SLC2A5: variants seen among roughly 807,000 people sequenced by gnomAD.
The protein encoded by SLC2A5 is solute carrier family 2 member 5, also known as solute carrier family 2, facilitated glucose transporter member 5.
In SLC2A5, 56 loss-of-function variants were observed where a neutral mutation model predicts 50.3. The observed-to-expected ratio is 1.11, with a 90% confidence interval of 0.90 to 1.39. The LOEUF (loss-of-function observed/expected upper bound fraction) is 1.39, where lower values mean the gene tolerates loss of function less well. Ranked by LOEUF, SLC2A5 falls within the 40% of genes most tolerant of loss-of-function variation. The pLI is 0.00. For missense variants in SLC2A5, 566 were observed against 650.1 expected (o/e 0.87, Z 1.41); for synonymous variants, 269 against 281.9 (o/e 0.95, Z 0.46).
Position 9,069,417 on chromosome 1 carries a change from G to A in SLC2A5, c.33+87C>T, listed in dbSNP as rs964646077. 53 of 1,380,156 alleles carry A rather than the reference G, an allele frequency of 3.8e-5. No homozygotes were observed. In the Admixed American group the frequency reaches 8.8e-4, roughly 23 times the overall value. The allele number at this position is 1,380,156 out of a possible 1,614,324, so 85.5% of individuals were successfully genotyped here. A position where few individuals can be genotyped will look rare whatever the true frequency, so the allele number is the denominator to read the frequency against. ...CACAGAGTTCCCTCTGCAACACCAG[G>A]AGCCCCCCAGCGACTCTCCAGGAAG... On this transcript the variant is annotated intron_variant, in intron 1 of 11. Coordinates refer to ENST00000377424, the MANE Select transcript of SLC2A5 (RefSeq NM_003039.3).
chr1:9,043,985 G>A (rs549614241), intron 4 of SLC2A5, among the ~76,000 whole-genome samples: 218 of 150,116 alleles, frequency 1.5e-3, no homozygotes, highest in African/African-American at 5.1e-3. Flanking sequence ...GCCTCCCAAA[G>A]TGCTGGGATT....
chr1:9,060,483 C>G (rs2124421568), intron 1 of SLC2A5, among the ~76,000 whole-genome samples: 1 of 137,122 alleles, frequency 7.3e-6, no homozygotes, highest in Admixed American at 7.4e-5. Context: ...CACACCCATA[C>G]CCCACCCCCC....
chr1:9,046,561 C>A (rs913062398), intron 4 of SLC2A5, among the ~76,000 whole-genome samples: 1 of 152,010 alleles, frequency 6.6e-6, no homozygotes, highest in African/African-American at 2.4e-5. Context: ...CTGTTAGCAC[C>A]TTTCTGGTAG....
intron 3 of SLC2A5, among the ~76,000 whole-genome samples, chr1:9,053,097 T>TTATATATAATATATATTATATA (rs1553169456): frequency 2.7e-5 from 3 of 112,878 alleles, no homozygotes; most frequent in African/African-American, 1.1e-4. Context: ...ATAATATATA[T>TTATATATAATATATATTATATA]TTATATATAA....
In SLC2A5 at chr1:9,039,484, G is replaced by A; in HGVS notation, c.996+68C>T. 4.2e-6 allele frequency: 5 copies of A among 1,193,332 alleles called. No homozygotes were observed. The South Asian group carries it at 4.5e-5, about 11-fold the overall frequency. 73.9% of individuals were successfully genotyped at this position (1,193,332 alleles called of 1,614,324 possible). On this transcript the variant is annotated intron_variant, in intron 8 of 11. Transcript: ENST00000377424. ...GGCCACGGGCTGCCCTTTTGGCGGC[G>A]CCGAGGCTGGGGCGTGGGGCCCGAG...
chr1:9,040,073 C>T lies in SLC2A5; in HGVS notation c.688G>A (p.Ala230Thr). The change falls in exon 6 of 12, where the codon GCC becomes ACC. Residue 230 changes from alanine to threonine, a missense_variant. By Grantham distance (58) the Ala-to-Thr change is moderately conservative (BLOSUM62 0). Coordinates refer to ENST00000377424, the MANE Select transcript of SLC2A5 (RefSeq NM_003039.3). This position sits in a 1 kb window ranked among gnomAD's most constrained non-coding sequence, Gnocchi z 4.3. ...CCAGAGCCCTCGTTACCTTTCTTGGCGGCCGCTTCGTCTTTCTTCTGAATC... is the reference window on the plus strand; with the variant it reads ...CCAGAGCCCTCGTTACCTTTCTTGGTGGCCGCTTCGTCTTTCTTCTGAATC... ...LLIQKKDEAA[A>T]KKALQTLRGW... 3 of 1,586,022 alleles carry T rather than the reference C, an allele frequency of 1.9e-6. No individual in the cohort carries two copies. The highest frequency in any genetic ancestry group is 2.3e-5 in the South Asian group (2 of 88,330).
At position 9,037,453 on chromosome 1, in the gene SLC2A5, G is replaced by A. The variant is rs1243978898; in HGVS notation, c.*133C>T. On this transcript the variant is annotated 3_prime_UTR_variant, in exon 12 of 12. Transcript: ENST00000377424. Reference sequence around the variant, plus strand: ...TGCACAGTTCCCACTGGGGTGGGGAGGCTGGAGATGAGGACTGCATTCCAC... The same window carrying A: ...TGCACAGTTCCCACTGGGGTGGGGAAGCTGGAGATGAGGACTGCATTCCAC... The A allele has an allele frequency of 1.3e-5, 10 of 744,300 alleles. No individual in the cohort carries two copies. In the East Asian group the frequency reaches 2.2e-4, roughly 17 times the overall value. 46.1% of individuals were successfully genotyped at this position (744,300 alleles called of 1,614,324 possible). A position where few individuals can be genotyped will look rare whatever the true frequency, so the allele number is the denominator to read the frequency against.
intron 2 of SLC2A5, 81 bp downstream of exon 2, chr1:9,058,071 A>T: frequency 1.0e-6 from 1 of 996,018 alleles, no homozygotes. Context: ...CTGCGTGAAC[A>T]GCCCCACGCT....
upstream of SLC2A5, chr1:9,072,095 G>A (rs954426301): frequency 2.0e-5 from 3 of 152,842 alleles, no homozygotes; most frequent in African/African-American, 7.2e-5. Flanking sequence ...GCCTCGCCCG[G>A]GTCCTGCTTC....
intron 1 of SLC2A5, among the ~76,000 whole-genome samples, chr1:9,061,801 G>A (rs1569891680): frequency 6.6e-6 from 1 of 152,088 alleles, no homozygotes; most frequent in African/African-American, 2.4e-5. Flanking sequence ...TGGTGGAGCT[G>A]GCTGGTTCCC....
At chr1:9,091,797 A>G (rs895709805), upstream of SLC2A5, among the ~76,000 whole-genome samples, 4 of 152,128 alleles carry the variant, frequency 2.6e-5, no homozygotes, top group Non-Finnish European at 5.9e-5. Flanking sequence ...ATATGCCATC[A>G]TTGGAGGGTA....
chr1:9,041,920 C>A lies in SLC2A5; in HGVS notation c.436G>T (p.Val146Phe). ...GICAGVSSNV[V>F]PMYLGELAPK... ...GCCAGCTCCCCTAAGTACATGGGGA[C>A]CACGTTGGAAGATACACCTGGGAGG... is the stretch of plus-strand genomic sequence containing the variant. The change falls in exon 5 of 12, where the codon GTC becomes TTC. Residue 146 changes from valine to phenylalanine, a missense_variant. Coordinates refer to ENST00000377424, the MANE Select transcript of SLC2A5 (RefSeq NM_003039.3). 1.2e-6 allele frequency: 2 copies of A among 1,607,950 alleles called. No homozygotes were observed. The highest frequency in any genetic ancestry group is 1.7e-4 in the Middle Eastern group (1 of 6,034).
intron 2 of SLC2A5, among the ~76,000 whole-genome samples, chr1:9,080,387 G>T (rs1037834945): frequency 6.6e-6 from 1 of 152,116 alleles, no homozygotes; most frequent in Non-Finnish European, 1.5e-5. Flanking sequence ...AGGAATTACC[G>T]TTCTGTTTTC....
rs1641129557 is a variant in SLC2A5, at chr1:9,036,149, G to A, written c.*1437C>T. ...CTCAAGATTTCATTACATATGTGAG[G>A]ACATTTGGAAGCTTCCTCAATCTTA... On this transcript the variant is annotated 3_prime_UTR_variant, in exon 12 of 12. Coordinates refer to ENST00000377424, the MANE Select transcript of SLC2A5 (RefSeq NM_003039.3). The A allele has an allele frequency of 6.6e-6, 1 of 152,124 alleles. No individual in the cohort carries two copies. The highest frequency in any genetic ancestry group is 1.5e-5 in the Non-Finnish European group (1 of 68,040). The allele number at this position is 152,124 out of a possible 1,614,324, so 9.4% of individuals were successfully genotyped here. A position where few individuals can be genotyped will look rare whatever the true frequency, so the allele number is the denominator to read the frequency against.
At chr1:9,068,512 C>A (rs994013751) in intron 1 of SLC2A5, among the ~76,000 whole-genome samples, 1 of 146,290 alleles carries the variant, frequency 6.8e-6, no homozygotes, top group Admixed American at 7.1e-5. Flanking sequence ...AGTGCAATGG[C>A]GTGATCTCAG....
upstream of SLC2A5, chr1:9,069,636 G>A (rs537509087): frequency 1.2e-4 from 156 of 1,326,344 alleles, 2 homozygotes; most frequent in South Asian, 1.8e-3. Flanking sequence ...CTTTGGCCAT[G>A]CCAAATAACA....
At chr1:9,086,682 C>A (rs1430653013) in intron 1 of SLC2A5, among the ~76,000 whole-genome samples, 1 of 152,104 alleles carries the variant, frequency 6.6e-6, no homozygotes, top group African/African-American at 2.4e-5. Flanking sequence ...TCAGCCACTG[C>A]ACCTGGCTGA....
chr1:9,038,158 C>G (rs1013034002), intron 10 of SLC2A5, 134 bp from the exon 11 acceptor site: 1 of 1,069,750 alleles, frequency 9.3e-7, no homozygotes, highest in African/African-American at 1.6e-5. Flanking sequence ...TGGGGCAGCA[C>G]GTAGGGGGCA....
intron 3 of SLC2A5, among the ~76,000 whole-genome samples, chr1:9,055,548 T>C (rs1277360197): frequency 6.6e-6 from 1 of 151,430 alleles, no homozygotes; most frequent in East Asian, 1.9e-4. Flanking sequence ...AAGTGAGGAT[T>C]GTAATAGTAC....
Sources: allele counts gnomAD v4.1 joint callset (sites outside exome capture counted in the v4.1 genomes callset), GRCh38; gene constraint gnomAD v4.1.1; non-coding constraint Gnocchi (gnomAD v3.1); transcripts MANE v1.5; gene names NCBI Gene and HGNC (gene_info 2026-07-23, HGNC 2026-07-21).